The following RUVBL1 variants were observed in gnomAD, a reference collection of about 807,000 sequenced individuals.
RUVBL1 encodes the protein RuvB like AAA ATPase 1.
Under a neutral mutation model 52.4 loss-of-function variants are expected in RUVBL1, and 4 were observed. The ratio of observed to expected loss-of-function variants is 0.08; its 90% confidence interval spans 0.04 to 0.17. RUVBL1 has a LOEUF of 0.17. Among genes scored for constraint, RUVBL1 ranks in the 10% least tolerant of loss-of-function variants. The pLI, the probability that RUVBL1 is intolerant of heterozygous loss-of-function variation, is 1.00. For missense variants in RUVBL1, 298 were observed against 572.8 expected (o/e 0.52, Z 4.90); for synonymous variants, 217 against 214.4 (o/e 1.01, Z -0.10).
At position 128,067,679 on chromosome 3, in the gene RUVBL1, T is replaced by G. The variant is rs903122072; in HGVS notation, c.940-2459A>C. On this transcript the variant is annotated intron_variant, in intron 9 of 9. Transcript: ENST00000464873. This position sits in a 1 kb window ranked among gnomAD's most constrained non-coding sequence, Gnocchi z 4.1. The stretch of plus-strand genomic sequence containing the variant: ...GACTGGTATAAGGGGTGTGGACTTG[T>G]CACCTCATCATAAATAATGGTCTGT... 8.1e-6 allele frequency: 10 copies of G among 1,238,876 alleles called. No individual in the cohort carries two copies. The highest frequency in any genetic ancestry group is 1.4e-5 in the South Asian group (1 of 72,366). The allele number at this position is 1,238,876 out of a possible 1,614,324, so 76.7% of individuals were successfully genotyped here.
intron 9 of RUVBL1, chr3:128,085,004 GCT>G (rs1232355644): frequency 3.3e-5 from 5 of 152,378 alleles, no homozygotes; most frequent in African/African-American, 7.2e-5. Context: ...GGGTGAACTA[GCT>G]CTGAGTGGCA....
At position 128,087,951 on chromosome 3, in the gene RUVBL1, C is replaced by G. The variant is rs1340244401; in HGVS notation, c.1017-143G>C. On this transcript the variant is annotated intron_variant, in intron 8 of 10. Transcript: ENST00000322623. ...GCCAGGACCAGAGTAAACAGACTAACCTCCAGTGGCATAAAAACAACTTCA... is the reference window on the plus strand; with the variant it reads ...GCCAGGACCAGAGTAAACAGACTAAGCTCCAGTGGCATAAAAACAACTTCA... 36 of 585,176 alleles carry G rather than the reference C, an allele frequency of 6.2e-5. No individual in the cohort carries two copies. The Admixed American group carries it at 1.1e-3, about 18-fold the overall frequency. The allele number at this position is 585,176 out of a possible 1,614,324, so 36.2% of individuals were successfully genotyped here. A position where few individuals can be genotyped will look rare whatever the true frequency, so the allele number is the denominator to read the frequency against.
intron 1 of RUVBL1, among the ~76,000 whole-genome samples, chr3:128,130,901 C>T (rs34174370): frequency 0.14 from 21,320 of 151,820 alleles, 1,704 homozygotes; most frequent in African/African-American, 0.21. Context: ...CTGCCCACCT[C>T]GGCCTCCCAA....
intron 5 of RUVBL1, 53 bp downstream of exon 5, chr3:128,101,506 C>A (rs1576458072): frequency 6.5e-7 from 1 of 1,546,442 alleles, no homozygotes; most frequent in South Asian, 1.1e-5. Flanking sequence ...TCACTTAGGT[C>A]TTCTCATGGC....
intron 8 of RUVBL1, among the ~76,000 whole-genome samples, chr3:128,092,150 T>G (rs1942857367): frequency 6.6e-6 from 1 of 152,226 alleles, no homozygotes. Flanking sequence ...GATATTCACA[T>G]GCAAAATAAT....
At chr3:128,127,143 C>G (rs2107726074), upstream of RUVBL1, among the ~76,000 whole-genome samples, 1 of 152,284 alleles carries the variant, frequency 6.6e-6, no homozygotes, top group South Asian at 2.1e-4. Flanking sequence ...GAAGCCAAGA[C>G]AGAGGAAAGG....
At chr3:128,112,771 A>G in intron 3 of RUVBL1, 117 bp downstream of exon 3, 1 of 1,214,596 alleles carries the variant, frequency 8.2e-7, no homozygotes, top group Non-Finnish European at 1.2e-6. Flanking sequence ...AAGTGCCAAA[A>G]GAAAAACAGC....
chr3:128,093,003 A>G (rs1942879996), intron 8 of RUVBL1, among the ~76,000 whole-genome samples: 1 of 152,120 alleles, frequency 6.6e-6, no homozygotes, highest in Admixed American at 6.6e-5. Flanking sequence ...GTGAGACCCC[A>G]TCTCTACTTT....
chr3:128,119,188 G>C, intron 2 of RUVBL1, 140 bp downstream of exon 2: 1 of 575,080 alleles, frequency 1.7e-6, no homozygotes, highest in South Asian at 2.4e-5. Flanking sequence ...ATACCCAATT[G>C]TATTATTGCA....
Position 128,067,837 on chromosome 3 carries a change from A to T in RUVBL1, c.940-2617T>A. The T allele has an allele frequency of 1.4e-6, 1 of 740,460 alleles. No individual in the cohort carries two copies. The highest frequency in any genetic ancestry group is 2.2e-5 in the Admixed American group (1 of 44,782). 45.9% of individuals were successfully genotyped at this position (740,460 alleles called of 1,614,324 possible). ...ACACTGTAAAGTTAGACTTTTTCAT[A>T]TGACTTCCTTGCGGCAGTTTTAAAG... On this transcript the variant is annotated intron_variant, in intron 9 of 9. Transcript: ENST00000464873. This position sits in a 1 kb window ranked among gnomAD's most constrained non-coding sequence, Gnocchi z 4.1.
chr3:128,133,550 CTGTT>C (rs77703904), intron 1 of RUVBL1, among the ~76,000 whole-genome samples: 52,594 of 151,838 alleles, frequency 0.35, 11,105 homozygotes, highest in Non-Finnish European at 0.47. Context: ...CAGAGAGACT[CTGTT>C]TGTTCCTGGG....
At chr3:128,069,722 C>T in intron 9 of RUVBL1, 1 of 1,436,046 alleles carries the variant, frequency 7.0e-7, no homozygotes, top group Non-Finnish European at 9.7e-7. Flanking sequence ...GGGGAGCTCT[C>T]ATCATGGCGC....
chr3:128,136,435 G>A (rs1306072224), intron 1 of RUVBL1, among the ~76,000 whole-genome samples: 3 of 152,040 alleles, frequency 2.0e-5, no homozygotes, highest in African/African-American at 7.2e-5. Context: ...AGACTAGCCT[G>A]CGCAACATGG....
chr3:128,077,072 G>A (rs1942353547), downstream of RUVBL1, among the ~76,000 whole-genome samples: 3 of 151,868 alleles, frequency 2.0e-5, no homozygotes, highest in South Asian at 4.1e-4. Context: ...CCCATTGATC[G>A]CGCCGGGCCC....
rs779546289 is a variant in RUVBL1 at position 128,082,540 on chromosome 3, T to C, written c.1154A>G (p.Asn385Ser). 5.0e-6 allele frequency: 8 copies of C among 1,613,736 alleles called. No homozygotes were observed. The African/African-American group carries it at 5.3e-5, about 11-fold the overall frequency. The change falls in exon 10 of 11, where the codon AAC becomes AGC. Residue 385 changes from asparagine to serine, a missense_variant. Physicochemically the swap from Asn to Ser is conservative, Grantham distance 46. This residue lies in a region of RUVBL1 where 161 missense variants were observed against 298.3 expected (regional missense o/e 0.54). Coordinates refer to ENST00000322623, the MANE Select transcript of RUVBL1 (RefSeq NM_003707.3). This position sits in a 1 kb window ranked among gnomAD's most constrained non-coding sequence, Gnocchi z 4.7. ...IKIRAQTEGINISEEALNHLG... is the reference protein window; with the variant it reads ...IKIRAQTEGISISEEALNHLG... The stretch of plus-strand genomic sequence containing the variant: ...GTGGTTCAGTGCCTCCTCACTGATG[T>C]TGATTCCTTCCGTCTGGGCACGGAT...
intron 1 of RUVBL1, among the ~76,000 whole-genome samples, chr3:128,135,522 G>T (rs1434442030): frequency 1.3e-5 from 2 of 152,214 alleles, no homozygotes; most frequent in African/African-American, 4.8e-5. Context: ...TACAGAGCAA[G>T]ACTCCATCTC....
intron 3 of RUVBL1, among the ~76,000 whole-genome samples, chr3:128,105,126 T>G (rs946987530): frequency 6.6e-6 from 1 of 151,600 alleles, no homozygotes. Flanking sequence ...TTTTTTTTTT[T>G]TTTTGAGATA....
At chr3:128,091,127 A>C (rs932988515) in intron 8 of RUVBL1, among the ~76,000 whole-genome samples, 2 of 152,252 alleles carry the variant, frequency 1.3e-5, no homozygotes, top group African/African-American at 2.4e-5. Context: ...TAAAGACCAA[A>C]CATTTCTGAG....
Position 128,082,395 on chromosome 3 carries a change from AG to A in RUVBL1, c.1211+87del. ...ATGGATAGAGTCCCATGCCCTAGGA[AG>A]GGACCTGCCTTTATTGTCCAGAATG... On this transcript the variant is annotated intron_variant, in intron 10 of 10. Transcript: ENST00000322623. The surrounding 1 kb of genome is among the most constrained non-coding windows in gnomAD (Gnocchi z 4.7). The A allele has an allele frequency of 1.0e-6, 1 of 979,814 alleles. No individual in the cohort carries two copies. Among genetic ancestry groups the A allele is most frequent in the African/African-American group, 1.6e-5 (1 of 62,354 alleles). 60.7% of individuals were successfully genotyped at this position (979,814 alleles called of 1,614,324 possible).
Sources: allele counts gnomAD v4.1 joint callset (sites outside exome capture counted in the v4.1 genomes callset), GRCh38; gene constraint gnomAD v4.1.1; regional missense constraint gnomAD v4.1.1; non-coding constraint Gnocchi (gnomAD v3.1); transcripts MANE v1.5; gene names NCBI Gene and HGNC (gene_info 2026-07-23, HGNC 2026-07-21).